TENM4: variants seen among roughly 807,000 people sequenced by gnomAD.
TENM4 encodes the protein teneurin-4.
A neutral mutation model predicts 243.3 loss-of-function variants in TENM4; 82 were observed. That is an observed-to-expected ratio of 0.34 (90% CI 0.28 to 0.40). TENM4 has a LOEUF of 0.40. Ranked by LOEUF, TENM4 falls within the 10% of genes least tolerant of loss-of-function variation. The probability of loss-of-function intolerance (pLI) is 1.00; values close to 1 mark genes in which losing one functional copy is unlikely to be tolerated. For missense variants in TENM4, 3,138 were observed against 3,673.3 expected (o/e 0.85, Z 3.77); for synonymous variants, 1,412 against 1,456.3 (o/e 0.97, Z 0.69).
chr11:79,147,966 T>C (rs1228579000), intron 4 of TENM4, among the ~76,000 whole-genome samples: 2 of 152,066 alleles, frequency 1.3e-5, no homozygotes, highest in Non-Finnish European at 1.5e-5. Flanking sequence ...GTCAGAGGCA[T>C]GGTAGTGACT....
chr11:79,093,560 A>G (rs1488279332), intron 4 of TENM4: 1 of 152,302 alleles, frequency 6.6e-6, no homozygotes, highest in Admixed American at 6.5e-5. Context: ...GTGGGAGGAG[A>G]TGCTGATCCT....
At chr11:79,187,189 C>G (rs564993938) in intron 3 of TENM4, among the ~76,000 whole-genome samples, 1 of 152,300 alleles carries the variant, frequency 6.6e-6, no homozygotes, top group South Asian at 2.1e-4. Flanking sequence ...TGAGCCTCAT[C>G]TATTAATTTG....
intron 2 of TENM4, among the ~76,000 whole-genome samples, chr11:79,274,063 G>C (rs1856013333): frequency 6.6e-6 from 1 of 152,224 alleles, no homozygotes; most frequent in Non-Finnish European, 1.5e-5. Flanking sequence ...ATGAGGAAGA[G>C]CCTGAGATGC....
rs544371829 is a variant in TENM4, at chr11:78,799,612, T to C, written c.2179+5680A>G. Among the ~76,000 whole-genome samples, 7 of 152,394 alleles carry C rather than the reference T, an allele frequency of 4.6e-5. No individual in the cohort carries two copies. The East Asian group carries it at 9.6e-4, about 21-fold the overall frequency. Reference sequence around the variant, plus strand: ...GGCAGGTGTCATTAGCCATAGTCTATGCTTAAGCTTAGTGTTGAAAATCTA... The same window carrying C: ...GGCAGGTGTCATTAGCCATAGTCTACGCTTAAGCTTAGTGTTGAAAATCTA... On this transcript the variant is annotated intron_variant, in intron 15 of 33. Transcript: ENST00000278550.
intron 6 of TENM4, among the ~76,000 whole-genome samples, chr11:78,924,285 A>C (rs557115562): frequency 6.6e-6 from 1 of 152,352 alleles, no homozygotes; most frequent in South Asian, 2.1e-4. Context: ...ATGGCAGAGC[A>C]AAACCAGGAT....
At chr11:79,051,565 G>T (rs1310677116) in intron 6 of TENM4, among the ~76,000 whole-genome samples, 1 of 152,164 alleles carries the variant, frequency 6.6e-6, no homozygotes, top group Admixed American at 6.5e-5. Context: ...GATAGCCCTG[G>T]GTTAGCTATC....
At chr11:78,743,297 A>G (rs76319836) in intron 19 of TENM4, among the ~76,000 whole-genome samples, 4,688 of 152,256 alleles carry the variant, frequency 0.031, 236 homozygotes, top group African/African-American at 0.1. Flanking sequence ...CCAGCAGAAC[A>G]TGAGCTCCAT....
At chr11:78,865,694 A>G (rs1858955866) in intron 9 of TENM4, among the ~76,000 whole-genome samples, 1 of 152,184 alleles carries the variant, frequency 6.6e-6, no homozygotes, top group African/African-American at 2.4e-5. Context: ...AGCCATGGGG[A>G]ACACACACAA....
At chr11:79,062,657 G>A (rs1860133556) in intron 6 of TENM4, among the ~76,000 whole-genome samples, 1 of 152,138 alleles carries the variant, frequency 6.6e-6, no homozygotes, top group South Asian at 2.1e-4. Context: ...CAGATCAGGG[G>A]ATGCTAATTT....
At chr11:79,360,798 A>G (rs1302746566) in intron 1 of TENM4, among the ~76,000 whole-genome samples, 3 of 152,210 alleles carry the variant, frequency 2.0e-5, no homozygotes, top group Admixed American at 6.5e-5. Context: ...GAAGAGGGGA[A>G]TTTCTTAAAT....
chr11:79,429,759 G>GTGGTA (rs1487756986), intron 1 of TENM4, among the ~76,000 whole-genome samples: 1 of 152,152 alleles, frequency 6.6e-6, no homozygotes, highest in African/African-American at 2.4e-5. Context: ...CAGTGACTTA[G>GTGGTA]TGGTACCTCA....
At chr11:79,064,706 G>T in intron 6 of TENM4, 32 bp downstream of exon 6, 1 of 1,550,344 alleles carries the variant, frequency 6.5e-7, no homozygotes, top group African/African-American at 1.4e-5. Context: ...CCACCACCCA[G>T]GCACCCGGCA....
chr11:79,313,883 T>C (rs1188457895), intron 1 of TENM4, among the ~76,000 whole-genome samples: 2 of 152,170 alleles, frequency 1.3e-5, no homozygotes, highest in South Asian at 2.1e-4. Flanking sequence ...CCAGTTTCGA[T>C]GTGAAATCCT....
chr11:79,174,560 C>T (rs1863119390), intron 3 of TENM4, among the ~76,000 whole-genome samples: 1 of 152,204 alleles, frequency 6.6e-6, no homozygotes, highest in African/African-American at 2.4e-5. Flanking sequence ...CCCTGCAAGG[C>T]TGCTCTTTAA....
At chr11:79,083,174 G>C (rs1048487208) in intron 4 of TENM4, among the ~76,000 whole-genome samples, 3 of 152,196 alleles carry the variant, frequency 2.0e-5, no homozygotes, top group Admixed American at 2.0e-4. Flanking sequence ...AGAAGAGGCT[G>C]CTGGGGTGGA....
At chr11:78,697,531 G>A (rs538605977) in intron 28 of TENM4, among the ~76,000 whole-genome samples, 36 of 152,290 alleles carry the variant, frequency 2.4e-4, no homozygotes, top group African/African-American at 8.4e-4. Flanking sequence ...TGGGAGCACT[G>A]GCAGTGCTGG....
chr11:78,869,280 G>T (rs796788788), intron 9 of TENM4, among the ~76,000 whole-genome samples: 1 of 152,146 alleles, frequency 6.6e-6, no homozygotes. Flanking sequence ...AAAACACAAT[G>T]TCAGGAAAAG....
intron 2 of TENM4, among the ~76,000 whole-genome samples, chr11:79,276,177 C>T (rs993363627): frequency 6.6e-6 from 1 of 152,198 alleles, no homozygotes; most frequent in African/African-American, 2.4e-5. Context: ...GACCTCAGGC[C>T]ACTGGCCATT....
chr11:79,351,894 A>C (rs80011513), intron 1 of TENM4, among the ~76,000 whole-genome samples: 21,379 of 152,060 alleles, frequency 0.14, 1,554 homozygotes, highest in Non-Finnish European at 0.17. Flanking sequence ...ATTGGAGCCA[A>C]GGAGGTGAAG....
Sources: allele counts gnomAD v4.1 joint callset (sites outside exome capture counted in the v4.1 genomes callset), GRCh38; gene constraint gnomAD v4.1.1; transcripts MANE v1.5; gene names NCBI Gene and HGNC (gene_info 2026-07-23, HGNC 2026-07-21).